CSMD3: variants seen among roughly 807,000 people sequenced by gnomAD.
CSMD3 encodes the protein CUB and sushi domain-containing protein 3.
CSMD3 carries 177 observed loss-of-function variants against 435.2 expected under a neutral mutation model. The ratio of observed to expected loss-of-function variants is 0.41; its 90% CI spans 0.36 to 0.46. The LOEUF is 0.46. Ranked by LOEUF, CSMD3 falls within the 20% of genes least tolerant of loss-of-function variation. CSMD3 has a pLI of 0.34. For missense variants in CSMD3, 4,265 were observed against 4,504.6 expected (o/e 0.95, Z 1.52); for synonymous variants, 1,656 against 1,520.5 (o/e 1.09, Z -2.07).
In CSMD3 at chr8:112,517,145, T is replaced by C. The variant is rs377464995; in HGVS notation, c.4645A>G (p.Thr1549Ala). Residue 1549 changes from threonine (T) to alanine (A), a missense_variant, in exon 28 of 71, where the codon ACT becomes GCT. Around this residue, in one of 3 missense-constraint regions of CSMD3, gnomAD observed 3,255 missense variants for 3,380.2 expected, o/e 0.96. Coordinates refer to ENST00000297405, the MANE Select transcript of CSMD3 (RefSeq NM_198123.2). ...CCTGGGTCACATTGAAAAACAACAG[T>C]GTCCCCAGGTTCTCTTCCATCCCCA... ...RNGDGREPGD[T>A]VVFQCDPGYE... The C allele has an allele frequency of 1.2e-6, 2 of 1,613,644 alleles. No homozygotes were observed. Among genetic ancestry groups the C allele is most frequent in the Middle Eastern group, 1.7e-4 (1 of 6,042 alleles).
intron 5 of CSMD3, among the ~76,000 whole-genome samples, chr8:113,088,965 C>T (rs952490144): frequency 2.6e-5 from 4 of 152,138 alleles, no homozygotes; most frequent in Non-Finnish European, 5.9e-5. Context: ...GAATATTGAA[C>T]ATTAAACACA....
intron 27 of CSMD3, among the ~76,000 whole-genome samples, chr8:112,532,250 T>C (rs528747901): frequency 6.6e-6 from 1 of 151,752 alleles, no homozygotes; most frequent in African/African-American, 2.4e-5. Context: ...CAAATCTAAG[T>C]GTCATTGGAC....
chr8:112,408,433 C>A lies in CSMD3; in HGVS notation c.5510-20G>T, dbSNP rs760485055. ...ATTCTCCTACTCAACAAAACAAACA[C>A]TAAGATATCATAAATAATTTTCATT... On this transcript the variant is annotated intron_variant, in intron 33 of 70. Coordinates refer to ENST00000297405, the MANE Select transcript of CSMD3 (RefSeq NM_198123.2). 3 of 1,384,364 alleles carry A rather than the reference C, an allele frequency of 2.2e-6. No individual in the cohort carries two copies. The Admixed American group carries it at 5.0e-5, about 23-fold the overall frequency. 85.8% of individuals were successfully genotyped at this position (1,384,364 alleles called of 1,614,324 possible). A position where few individuals can be genotyped will look rare whatever the true frequency, so the allele number is the denominator to read the frequency against.
intron 10 of CSMD3, among the ~76,000 whole-genome samples, chr8:112,896,227 G>T (rs1461181063): frequency 1.3e-5 from 2 of 151,440 alleles, no homozygotes; most frequent in East Asian, 3.9e-4. Flanking sequence ...CCACATGTGG[G>T]TGTTCTGGCC....
At chr8:112,269,130 G>C (rs1817231638) in intron 59 of CSMD3, among the ~76,000 whole-genome samples, 1 of 152,182 alleles carries the variant, frequency 6.6e-6, no homozygotes, top group Admixed American at 6.5e-5. Flanking sequence ...CTGAGGAATA[G>C]CTCTCACTCC....
At chr8:113,026,748 G>A (rs545723613) in intron 5 of CSMD3, among the ~76,000 whole-genome samples, 73 of 152,166 alleles carry the variant, frequency 4.8e-4, no homozygotes, top group Non-Finnish European at 2.1e-4. Flanking sequence ...ATTATTAAAT[G>A]TTTTAGTTCT....
chr8:112,987,004 G>T (rs1375190218), intron 6 of CSMD3, among the ~76,000 whole-genome samples: 1 of 151,926 alleles, frequency 6.6e-6, no homozygotes, highest in African/African-American at 2.4e-5. Context: ...GTGTATATAT[G>T]TATATATCTA....
At chr8:112,586,290 CTTAACAA>C (rs1830723737) in intron 23 of CSMD3, among the ~76,000 whole-genome samples, 1 of 151,068 alleles carries the variant, frequency 6.6e-6, no homozygotes, top group African/African-American at 2.4e-5. Flanking sequence ...TTTAGAAAAA[CTTAACAA>C]TTAGAAAAAA....
At chr8:113,238,792 A>G (rs1355409812) in intron 3 of CSMD3, among the ~76,000 whole-genome samples, 1 of 152,180 alleles carries the variant, frequency 6.6e-6, no homozygotes, top group Non-Finnish European at 1.5e-5. Context: ...CCTAAGCAGG[A>G]GAATCCCCTC....
chr8:112,642,247 C>G (rs146799508), intron 20 of CSMD3, among the ~76,000 whole-genome samples: 1 of 151,940 alleles, frequency 6.6e-6, no homozygotes, highest in East Asian at 1.9e-4. Flanking sequence ...TAAGGACAGT[C>G]CAACTTCTAA....
At chr8:113,366,946 T>C (rs904667666) in intron 1 of CSMD3, among the ~76,000 whole-genome samples, 2 of 152,072 alleles carry the variant, frequency 1.3e-5, no homozygotes, top group Admixed American at 1.3e-4. Context: ...AACAAAATCA[T>C]ATTTATTGAA....
At chr8:112,857,644 C>A (rs935395673) in intron 11 of CSMD3, among the ~76,000 whole-genome samples, 1 of 151,708 alleles carries the variant, frequency 6.6e-6, no homozygotes, top group Non-Finnish European at 1.5e-5. Flanking sequence ...ACACCTCTGA[C>A]CTTTGCTAAC....
intron 3 of CSMD3, among the ~76,000 whole-genome samples, chr8:113,215,372 T>C (rs2092891259): frequency 6.6e-6 from 1 of 151,840 alleles, no homozygotes; most frequent in Admixed American, 6.6e-5. Flanking sequence ...AGACTCAAAG[T>C]GTTCCTTGGA....
chr8:112,308,390 A>T (rs1216853240), intron 50 of CSMD3, among the ~76,000 whole-genome samples: 2 of 152,094 alleles, frequency 1.3e-5, no homozygotes, highest in East Asian at 3.9e-4. Flanking sequence ...TTCCACATAT[A>T]TGTTTAGTAA....
intron 4 of CSMD3, among the ~76,000 whole-genome samples, chr8:113,128,198 G>A (rs1451668478): frequency 6.6e-6 from 1 of 151,966 alleles, no homozygotes; most frequent in Non-Finnish European, 1.5e-5. Context: ...AGCAGATTGA[G>A]TACTTTGGTA....
At chr8:112,629,445 T>TA (rs1178170114) in intron 22 of CSMD3, among the ~76,000 whole-genome samples, 2 of 152,264 alleles carry the variant, frequency 1.3e-5, no homozygotes, top group Admixed American at 6.5e-5. Context: ...TCTTACAGAT[T>TA]AAAAAAATCA....
In CSMD3 at chr8:112,255,385, C is replaced by A; in HGVS notation, c.9905G>T (p.Arg3302Ile). Residue 3302 changes from arginine to isoleucine, a missense_variant, in exon 62 of 71, where the codon AGA (arginine) becomes ATA (isoleucine). By Grantham distance (97) the Arg-to-Ile change is moderately conservative. Coordinates refer to ENST00000297405, the MANE Select transcript of CSMD3 (RefSeq NM_198123.2). ...CTGGTATATAAAGCTTTTGCCTTCTCTTTTTCCTTGGGCAGGTATACCAGG... is the reference window on the plus strand; with the variant it reads ...CTGGTATATAAAGCTTTTGCCTTCTATTTTTCCTTGGGCAGGTATACCAGG... ...GDPGIPAQGKREGKSFIYQSE... is the reference protein window; with the variant it reads ...GDPGIPAQGKIEGKSFIYQSE... The A allele has an allele frequency of 3.1e-6, 5 of 1,613,668 alleles. No individual in the cohort carries two copies. The highest frequency in any genetic ancestry group is 4.2e-6 in the Non-Finnish European group (5 of 1,179,778).
chr8:112,578,310 A>G (rs1164974871), intron 23 of CSMD3, among the ~76,000 whole-genome samples: 2 of 152,000 alleles, frequency 1.3e-5, no homozygotes, highest in Non-Finnish European at 2.9e-5. Flanking sequence ...ACGAAGGACC[A>G]ACTTTACAGG....
chr8:112,849,201 G>T (rs568868575), intron 11 of CSMD3, among the ~76,000 whole-genome samples: 1 of 152,050 alleles, frequency 6.6e-6, no homozygotes, highest in Non-Finnish European at 1.5e-5. Context: ...TCTATGCCCA[G>T]TTAATTTAAT....
Sources: allele counts gnomAD v4.1 joint callset (sites outside exome capture counted in the v4.1 genomes callset), GRCh38; gene constraint gnomAD v4.1.1; regional missense constraint gnomAD v4.1.1; transcripts MANE v1.5; gene names NCBI Gene and HGNC (gene_info 2026-07-23, HGNC 2026-07-21).